Variants in SLC25A20 observed in about 807,000 individuals in gnomAD.
SLC25A20 encodes solute carrier family 25 member 20.
SLC25A20 carries 29 observed loss-of-function variants against 39.7 expected under a neutral mutation model. That is an observed-to-expected ratio of 0.73 (90% CI 0.54 to 1.00). SLC25A20 has a LOEUF of 1.00. SLC25A20 is among the 50% of genes least tolerant of loss of function. The pLI is 0.00. For missense variants in SLC25A20, 333 were observed against 379.9 expected (o/e 0.88, Z 1.03); for synonymous variants, 103 against 142.2 (o/e 0.72, Z 1.96).
intron 5 of SLC25A20, among the ~76,000 whole-genome samples, chr3:48,861,445 A>G (rs906608504): frequency 2.0e-5 from 3 of 152,196 alleles, no homozygotes; most frequent in Non-Finnish European, 2.9e-5. Context: ...AAGTTCCCTC[A>G]GCTGGGCTTA....
At position 48,859,624 on chromosome 3, in the gene SLC25A20, A is replaced by G. The variant is rs2083608190; in HGVS notation, c.539T>C (p.Val180Ala). Residue 180 changes from valine (V) to alanine (A), a missense_variant, in exon 6 of 9, where the codon GTC becomes GCC. By Grantham distance (64) the Val-to-Ala change is moderately conservative. Coordinates refer to ENST00000319017, the MANE Select transcript of SLC25A20 (RefSeq NM_000387.6). ...KGTVLTLMRD[V>A]PASGMYFMTY... The stretch of plus-strand genomic sequence containing the variant: ...CATGAAATACATTCCACTAGCTGGG[A>G]CATCTGTTAGTGGCAAGAAAAAGGT... 3 of 1,611,218 alleles carry G rather than the reference A, an allele frequency of 1.9e-6. No individual in the cohort carries two copies. Among genetic ancestry groups the G allele is most frequent in the Non-Finnish European group, 2.5e-6 (3 of 1,177,466 alleles).
At chr3:48,882,648 A>C (rs1022749662) in intron 3 of SLC25A20, among the ~76,000 whole-genome samples, 1 of 152,146 alleles carries the variant, frequency 6.6e-6, no homozygotes, top group African/African-American at 2.4e-5. Context: ...GCTTGGCTCC[A>C]GGAGTTCAAG....
rs587776760 is a variant in SLC25A20, at chr3:48,898,710, GA to G, written c.84del (p.His29ThrfsTer100). The G allele has an allele frequency of 6.2e-6, 10 of 1,606,756 alleles. No homozygotes were observed. The highest frequency in any genetic ancestry group is 6.8e-6 in the Non-Finnish European group (8 of 1,177,386). On this transcript the variant is annotated frameshift_variant, in exon 1 of 9. Transcript: ENST00000319017. LOFTEE classifies it high-confidence loss of function. ...GFGGVCLVFV[G>X]HPLDTVKVRL... Reference sequence around the variant, plus strand: ...CGCACCTTGACCGTGTCCAGAGGGTGACCGACGAACACCAGGCACACGCCGC... The same window carrying G: ...CGCACCTTGACCGTGTCCAGAGGGTGCCGACGAACACCAGGCACACGCCGC...
chr3:48,866,857 G>A (rs932264987), intron 4 of SLC25A20, among the ~76,000 whole-genome samples: 12 of 151,826 alleles, frequency 7.9e-5, no homozygotes, highest in Non-Finnish European at 1.0e-4. Context: ...GCAATGGCGC[G>A]ATCTCGACTC....
At chr3:48,896,562 G>A (rs1328658484) in intron 1 of SLC25A20, among the ~76,000 whole-genome samples, 1 of 151,910 alleles carries the variant, frequency 6.6e-6, no homozygotes, top group African/African-American at 2.4e-5. Context: ...CCAGGCTGGA[G>A]TGCAATGGCA....
At chr3:48,891,120 C>A (rs1178283614) in intron 2 of SLC25A20, among the ~76,000 whole-genome samples, 2 of 151,994 alleles carry the variant, frequency 1.3e-5, no homozygotes, top group East Asian at 3.9e-4. Context: ...GGGAAAACAT[C>A]CGCTAAGCCC....
intron 2 of SLC25A20, among the ~76,000 whole-genome samples, chr3:48,885,312 ATAAT>A (rs2083822040): frequency 6.6e-6 from 1 of 152,166 alleles, no homozygotes; most frequent in Non-Finnish European, 1.5e-5. Context: ...TAACCAATAA[ATAAT>A]TAGACAGACA....
chr3:48,889,880 C>T (rs1447058789), intron 2 of SLC25A20, among the ~76,000 whole-genome samples: 2 of 152,126 alleles, frequency 1.3e-5, no homozygotes, highest in African/African-American at 4.8e-5. Flanking sequence ...GGTATAGGGT[C>T]CGGTGCTGAA....
chr3:48,867,200 C>G (rs952115545), intron 4 of SLC25A20, among the ~76,000 whole-genome samples: 10 of 151,912 alleles, frequency 6.6e-5, no homozygotes, highest in Non-Finnish European at 7.4e-5. Context: ...CCTCAGCTTC[C>G]AAAAGTGCTG....
At chr3:48,871,982 ATTTTTTTTTTTTTT>A (rs71077746) in intron 4 of SLC25A20, among the ~76,000 whole-genome samples, 1 of 56,670 alleles carries the variant, frequency 1.8e-5, no homozygotes, top group Non-Finnish European at 3.1e-5. Context: ...TGCCCAGCTA[ATTTTTTTTTTTTTT>A]TTTTTTTTTT....
intron 1 of SLC25A20, among the ~76,000 whole-genome samples, chr3:48,894,899 C>T (rs1480305562): frequency 6.6e-6 from 1 of 152,224 alleles, no homozygotes; most frequent in Non-Finnish European, 1.5e-5. Flanking sequence ...CTCACCGCAA[C>T]CTCTGCCTCC....
chr3:48,877,084 A>T (rs1378241915), intron 4 of SLC25A20, among the ~76,000 whole-genome samples: 1 of 151,826 alleles, frequency 6.6e-6, no homozygotes. Context: ...CAACAGAGTG[A>T]GACCCTGTCT....
At chr3:48,861,932 G>A (rs2083631377) in intron 5 of SLC25A20, among the ~76,000 whole-genome samples, 1 of 152,144 alleles carries the variant, frequency 6.6e-6, no homozygotes, top group Non-Finnish European at 1.5e-5. Context: ...GGAGGCTGAG[G>A]GAGGAGAATT....
rs774598150 is a variant in SLC25A20 at position 48,898,840 on chromosome 3, G to A, written c.-46C>T. ...CGTCTGTCAGTTCTCGGGCCGTCCT[G>A]GCTTCTCAGCCCCAGCTGCAGTGCC... On this transcript the variant is annotated 5_prime_UTR_variant, in exon 1 of 9. Coordinates refer to ENST00000319017, the MANE Select transcript of SLC25A20 (RefSeq NM_000387.6). 5.2e-6 allele frequency: 8 copies of A among 1,531,746 alleles called. No homozygotes were observed. Among genetic ancestry groups the A allele is most frequent in the Non-Finnish European group, 7.1e-6 (8 of 1,129,698 alleles). 94.9% of individuals were successfully genotyped at this position (1,531,746 alleles called of 1,614,324 possible). A position where few individuals can be genotyped will look rare whatever the true frequency, so the allele number is the denominator to read the frequency against.
chr3:48,867,670 C>A (rs201895606), intron 4 of SLC25A20, among the ~76,000 whole-genome samples: 14 of 146,916 alleles, frequency 9.5e-5, no homozygotes, highest in East Asian at 4.0e-4. Flanking sequence ...AAAAAAAAAA[C>A]AAAAACAAAT....
chr3:48,882,947 G>C (rs531303274), intron 3 of SLC25A20, among the ~76,000 whole-genome samples: 1 of 151,830 alleles, frequency 6.6e-6, no homozygotes, highest in African/African-American at 2.4e-5. Context: ...CAGCACTTTG[G>C]GGGGCCAAAG....
Position 48,896,815 on chromosome 3 carries a change from C to G in SLC25A20, c.105+1875G>C, listed in dbSNP as rs111559468. On this transcript the variant is annotated intron_variant, in intron 1 of 8. Transcript: ENST00000319017. ...TTAACAGGCATGAGCCCACCGTGACCGGCCTAGGTTGTCTTATTTTATAAT... is the reference window on the plus strand; with the variant it reads ...TTAACAGGCATGAGCCCACCGTGACGGGCCTAGGTTGTCTTATTTTATAAT... Among the ~76,000 whole-genome samples, 965 of 152,012 alleles carry G rather than the reference C, an allele frequency of 6.3e-3. 15 individuals carry two copies. Among genetic ancestry groups the G allele is most frequent in the African/African-American group, 0.022 (915 of 41,466 alleles).
chr3:48,885,280 A>AG (rs1220472928), intron 2 of SLC25A20, among the ~76,000 whole-genome samples: 1 of 152,106 alleles, frequency 6.6e-6, no homozygotes, highest in African/African-American at 2.4e-5. Context: ...CTAGAAAAAA[A>AG]AAAAGAAAGT....
At chr3:48,882,398 T>C (rs566832858) in intron 3 of SLC25A20, among the ~76,000 whole-genome samples, 1 of 152,310 alleles carries the variant, frequency 6.6e-6, no homozygotes, top group South Asian at 2.1e-4. Flanking sequence ...TGGAACCTTC[T>C]CTTCTCTCAA....
Sources: allele counts gnomAD v4.1 joint callset (sites outside exome capture counted in the v4.1 genomes callset), GRCh38; gene constraint gnomAD v4.1.1; transcripts MANE v1.5; gene names NCBI Gene and HGNC (gene_info 2026-07-23, HGNC 2026-07-21).